The following KATNAL1 variants were observed in gnomAD, a reference collection of about 807,000 sequenced individuals.
The protein encoded by KATNAL1 is katanin p60 ATPase-containing subunit A-like 1.
In KATNAL1, 32 loss-of-function variants were observed where a neutral mutation model predicts 55.2. The observed-to-expected ratio is 0.58, with a 90% CI of 0.44 to 0.78. KATNAL1 has a LOEUF of 0.78. Ranked by LOEUF, KATNAL1 falls within the 30% of genes least tolerant of loss-of-function variation. KATNAL1 has a pLI of 0.00. For missense variants in KATNAL1, 466 were observed against 600.9 expected (o/e 0.78, Z 2.35); for synonymous variants, 193 against 193.6 (o/e 1.00, Z 0.02).
At chr13:30,240,387 C>T (rs1180474165) in intron 6 of KATNAL1, 73 bp downstream of exon 6, 2 of 1,051,168 alleles carry the variant, frequency 1.9e-6, no homozygotes, top group African/African-American at 3.2e-5. Context: ...ACATCAAAAA[C>T]TACAGCAATG....
chr13:30,219,507 AG>A (rs1327341499), intron 9 of KATNAL1, among the ~76,000 whole-genome samples: 2 of 152,216 alleles, frequency 1.3e-5, no homozygotes, highest in Admixed American at 6.5e-5. Flanking sequence ...TACTGCAGTT[AG>A]GGTAAGTATA....
intron 4 of KATNAL1, among the ~76,000 whole-genome samples, chr13:30,241,544 A>G (rs1282022554): frequency 6.6e-6 from 1 of 152,190 alleles, no homozygotes; most frequent in Non-Finnish European, 1.5e-5. Context: ...TATGGTTTCT[A>G]TGGGGTTCTG....
At chr13:30,274,907 G>GCA (rs368435407) in intron 3 of KATNAL1, among the ~76,000 whole-genome samples, 8,964 of 105,246 alleles carry the variant, frequency 0.085, 361 homozygotes, top group East Asian at 0.11. Context: ...GCGCGCGCGC[G>GCA]CACACACACA....
rs1476863660 is a variant in KATNAL1 at position 30,270,139 on chromosome 13, C to T, written c.323+9924G>A. On this transcript the variant is annotated intron_variant, in intron 3 of 10. Coordinates refer to ENST00000380615, the MANE Select transcript of KATNAL1 (RefSeq NM_032116.5). ...GAGGTGAGGGGCGCCTCTGCCCGGC[C>T]GCCCCTACTGGGAAGTGAGGAGCCT... 6.6e-5 allele frequency among the ~76,000 whole-genome samples: 9 copies of T among 136,556 alleles called. 1 individual carries two copies. Among genetic ancestry groups the T allele is most frequent in the Non-Finnish European group, 1.3e-4 (8 of 59,880 alleles). The allele number at this position is 136,556 out of a possible 152,430, so 89.6% of individuals were successfully genotyped here.
chr13:30,211,982 T>C (rs1873735459), intron 9 of KATNAL1, among the ~76,000 whole-genome samples: 2 of 152,142 alleles, frequency 1.3e-5, no homozygotes, highest in Non-Finnish European at 2.9e-5. Flanking sequence ...GAGTGTCTTT[T>C]CAATTAATGA....
intron 9 of KATNAL1, among the ~76,000 whole-genome samples, chr13:30,214,029 C>T (rs553355826): frequency 3.5e-4 from 54 of 152,184 alleles, no homozygotes; most frequent in African/African-American, 1.2e-3. Context: ...AAAACCCCAT[C>T]GTCTCAGCCC....
intron 1 of KATNAL1, among the ~76,000 whole-genome samples, chr13:30,294,749 G>C (rs901411670): frequency 3.3e-4 from 51 of 152,308 alleles, no homozygotes; most frequent in African/African-American, 1.2e-3. Flanking sequence ...GTGAATGCCT[G>C]GGTTCAAAGC....
intron 3 of KATNAL1, among the ~76,000 whole-genome samples, chr13:30,278,378 TCTTTCA>T (rs1881024386): frequency 6.6e-6 from 1 of 152,196 alleles, no homozygotes; most frequent in South Asian, 2.1e-4. Context: ...GGTCCATTCA[TCTTTCA>T]CTTTCATTTA....
At chr13:30,237,335 C>A (rs1221022775) in intron 6 of KATNAL1, among the ~76,000 whole-genome samples, 1 of 152,102 alleles carries the variant, frequency 6.6e-6, no homozygotes, top group Non-Finnish European at 1.5e-5. Context: ...GACTTTTAAT[C>A]TATTAGAAAA....
At chr13:30,280,487 T>C (rs1476917963) in intron 2 of KATNAL1, among the ~76,000 whole-genome samples, 1 of 152,332 alleles carries the variant, frequency 6.6e-6, no homozygotes, top group East Asian at 1.9e-4. Context: ...AAGAACGTGA[T>C]GATCATTAAT....
Position 30,280,630 on chromosome 13 carries a change from C to T in KATNAL1, c.163-407G>A, listed in dbSNP as rs974508160. Reference sequence around the variant, plus strand: ...AAGCCAAAATTTTCAACAGCATTTCCTATTCCCAATATCACTAAATATAAA... The same window carrying T: ...AAGCCAAAATTTTCAACAGCATTTCTTATTCCCAATATCACTAAATATAAA... On this transcript the variant is annotated intron_variant, in intron 2 of 10. Coordinates refer to ENST00000380615, the MANE Select transcript of KATNAL1 (RefSeq NM_032116.5). Among the ~76,000 whole-genome samples, 5 of 152,070 alleles carry T rather than the reference C, an allele frequency of 3.3e-5. No homozygotes were observed. In the East Asian group the frequency reaches 5.8e-4, roughly 18 times the overall value.
chr13:30,247,322 C>T (rs1481771549), intron 4 of KATNAL1, among the ~76,000 whole-genome samples: 3 of 152,176 alleles, frequency 2.0e-5, no homozygotes. Context: ...GCAAACAGTG[C>T]TTACTAATTT....
intron 1 of KATNAL1, among the ~76,000 whole-genome samples, chr13:30,284,570 A>G (rs1881647389): frequency 6.6e-6 from 1 of 152,226 alleles, no homozygotes; most frequent in African/African-American, 2.4e-5. Flanking sequence ...TTTAAAGAAC[A>G]GTCTATAGTT....
intron 5 of KATNAL1, 151 bp downstream of exon 5, chr13:30,240,808 T>A (rs1467269022): frequency 1.3e-6 from 1 of 799,696 alleles, no homozygotes; most frequent in African/African-American, 1.7e-5. Context: ...CTTGGTTACA[T>A]TCGACAGAAC....
intron 3 of KATNAL1, among the ~76,000 whole-genome samples, chr13:30,274,903 GCGCGCACACACACA>G (rs1419066409): frequency 8.4e-4 from 79 of 93,740 alleles, no homozygotes; most frequent in African/African-American, 5.2e-4. Context: ...GCGCGCGCGC[GCGCGCACACACACA>G]CACACACACA....
chr13:30,242,998 TATTA>T (rs1444365996), intron 4 of KATNAL1, among the ~76,000 whole-genome samples: 1 of 152,106 alleles, frequency 6.6e-6, no homozygotes, highest in Non-Finnish European at 1.5e-5. Flanking sequence ...TAAAGGAAAC[TATTA>T]GTTAAAGGAA....
chr13:30,274,780 C>T (rs1880628409), intron 3 of KATNAL1, among the ~76,000 whole-genome samples: 2 of 151,994 alleles, frequency 1.3e-5, no homozygotes, highest in African/African-American at 4.8e-5. Context: ...ATGTTCATTT[C>T]AGCATTACTG....
intron 3 of KATNAL1, among the ~76,000 whole-genome samples, chr13:30,270,040 C>T (rs1375857520): frequency 1.3e-4 from 17 of 131,104 alleles, no homozygotes; most frequent in African/African-American, 4.6e-4. Flanking sequence ...GTCAGCCCCC[C>T]GCCCGGCCAG....
intron 3 of KATNAL1, among the ~76,000 whole-genome samples, chr13:30,278,782 C>T (rs1158288198): frequency 1.3e-5 from 2 of 152,184 alleles, no homozygotes; most frequent in African/African-American, 4.8e-5. Flanking sequence ...AAATGTCATT[C>T]TTTCTTTCAG....
Sources: gnomAD v4.1 joint callset for allele counts (sites outside exome capture counted in the v4.1 genomes callset) on GRCh38, gnomAD v4.1.1 for gene constraint, MANE v1.5 for transcripts, NCBI Gene and HGNC (gene_info 2026-07-23, HGNC 2026-07-21) for gene names.